CELA1: variants seen among roughly 807,000 people sequenced by gnomAD.
The protein encoded by CELA1 is chymotrypsin like elastase 1.
In CELA1, 28 loss-of-function variants were observed where a neutral mutation model predicts 34.8. The ratio of observed to expected loss-of-function variants is 0.80; its 90% CI spans 0.60 to 1.10. CELA1 has a LOEUF of 1.10. Among genes scored for constraint, CELA1 ranks in the 50% least tolerant of loss-of-function variants. The pLI, the probability that CELA1 is intolerant of heterozygous loss-of-function variation, is 0.00. For missense variants in CELA1, 288 were observed against 327.5 expected, an observed-to-expected ratio of 0.88 and a Z score of 0.93; for synonymous variants, 140 against 129.8, an observed-to-expected ratio of 1.08 and a Z score of -0.53.
chr12:51,339,082 T>C (rs1946517425), intron 6 of CELA1, among the ~76,000 whole-genome samples: 1 of 152,234 alleles, frequency 6.6e-6, no homozygotes, highest in Non-Finnish European at 1.5e-5. Flanking sequence ...TTGTGCACTT[T>C]CCCCTATCAA....
intron 1 of CELA1, 61 bp from the exon 2 acceptor site, chr12:51,345,938 TG>T: frequency 6.3e-6 from 7 of 1,115,608 alleles, no homozygotes; most frequent in Non-Finnish European, 7.8e-6. Context: ...GGGGTAGGGG[TG>T]GGGGGTGGCG....
chr12:51,340,388 CTTTTTTTTTT>C (rs11315182), intron 5 of CELA1, among the ~76,000 whole-genome samples: 1 of 121,556 alleles, frequency 8.2e-6, no homozygotes, highest in African/African-American at 3.0e-5. Flanking sequence ...TTCTTTCTTT[CTTTTTTTTTT>C]TTTTTTTTGA....
intron 6 of CELA1, among the ~76,000 whole-genome samples, chr12:51,336,057 C>A (rs962080450): frequency 6.6e-6 from 1 of 152,198 alleles, no homozygotes; most frequent in African/African-American, 2.4e-5. Context: ...TCAGCTCTTA[C>A]CTACTGTGGC....
intron 6 of CELA1, among the ~76,000 whole-genome samples, chr12:51,335,405 C>T (rs190376237): frequency 5.9e-5 from 9 of 152,078 alleles, no homozygotes; most frequent in East Asian, 3.9e-4. Flanking sequence ...TACAGGCACG[C>T]GCCACCATGC....
chr12:51,331,373 A>G (rs990658637), intron 6 of CELA1, among the ~76,000 whole-genome samples: 1 of 152,242 alleles, frequency 6.6e-6, no homozygotes, highest in African/African-American at 2.4e-5. Flanking sequence ...TGGGCGACAG[A>G]GCGAGACTCC....
Position 51,346,629 on chromosome 12 carries a change from G to A in CELA1, c.10C>T (p.Leu4Phe), listed in dbSNP as rs573952082. The change falls in exon 1 of 8, where the codon CTT (leucine) becomes TTT (phenylalanine). Residue 4 changes from leucine (L) to phenylalanine (F), a missense_variant. Coordinates refer to ENST00000293636, the MANE Select transcript of CELA1 (RefSeq NM_001971.6). ...CTGGACCATATCCACTTACCATAAA[G>A]GACCAGCATGTTGCCGATGGAGTAG... MLV[L>F]YGHSTQDLPE... 9.5e-6 allele frequency: 14 copies of A among 1,475,960 alleles called. No homozygotes were observed. The highest frequency in any genetic ancestry group is 1.3e-5 in the Non-Finnish European group (14 of 1,101,866). 91.4% of individuals were successfully genotyped at this position (1,475,960 alleles called of 1,614,324 possible).
Position 51,345,873 on chromosome 12 carries a change from G to A in CELA1, c.21C>T (p.His7=), listed in dbSNP as rs1309435492. 1.9e-6 allele frequency: 3 copies of A among 1,556,588 alleles called. No homozygotes were observed. The highest frequency in any genetic ancestry group is 2.6e-6 in the Non-Finnish European group (3 of 1,149,330). The change falls in exon 2 of 8, where the codon CAC becomes CAT. Residue 7 remains histidine (H), a synonymous_variant. Transcript: ENST00000293636. The part of the protein sequence containing the change: MLVLYG[H]STQDLPETNA... Reference sequence around the variant, plus strand: ...TGGTTTCCGGAAGGTCCTGGGTGCTGTGTCCTTTGTGGGGCAGAAGAAAAG... The same window carrying A: ...TGGTTTCCGGAAGGTCCTGGGTGCTATGTCCTTTGTGGGGCAGAAGAAAAG...
intron 6 of CELA1, among the ~76,000 whole-genome samples, chr12:51,333,522 T>C (rs546486578): frequency 1.3e-5 from 2 of 151,976 alleles, no homozygotes; most frequent in Admixed American, 1.3e-4. Flanking sequence ...GTATTCCAAG[T>C]AGCTGGGACC....
Position 51,342,588 on chromosome 12 carries a change from T to C in CELA1, c.313A>G (p.Asn105Asp), listed in dbSNP as rs1263601900. The C allele has an allele frequency of 1.9e-6, 3 of 1,614,056 alleles. No homozygotes were observed. Among genetic ancestry groups the C allele is most frequent in the Non-Finnish European group, 2.5e-6 (3 of 1,180,030 alleles). The change falls in exon 4 of 8, where the codon AAC becomes GAC. Residue 105 changes from asparagine (N) to aspartate (D), a missense_variant. Asn to Asp is a conservative substitution (Grantham distance 23). Transcript: ENST00000293636. ...IVVHPYWNSD[N>D]VAAGYDIALL... ...ACTTGCTCCTACCCGGCAGCCACGT[T>C]ATCGCTGTTCCAGTATGGATGCACC...
intron 6 of CELA1, among the ~76,000 whole-genome samples, chr12:51,332,010 C>G (rs951178391): frequency 6.6e-6 from 1 of 151,808 alleles, no homozygotes; most frequent in African/African-American, 2.4e-5. Flanking sequence ...AACCGAGACC[C>G]CCATCTCTAT....
intron 1 of CELA1, among the ~76,000 whole-genome samples, 199 bp downstream of exon 1, chr12:51,346,424 C>G (rs536626079): frequency 1.3e-5 from 2 of 152,206 alleles, no homozygotes; most frequent in South Asian, 4.2e-4. Flanking sequence ...GTGGCCCTGA[C>G]CTTTTCTATC....
At chr12:51,345,899 T>C in intron 1 of CELA1, 22 bp from the exon 2 acceptor site, 3 of 1,536,428 alleles carry the variant, frequency 2.0e-6, no homozygotes, top group Non-Finnish European at 2.6e-6. Context: ...AGAAGAAAAG[T>C]GAGTGATGAC....
intron 6 of CELA1, among the ~76,000 whole-genome samples, chr12:51,334,525 C>T (rs965968834): frequency 3.3e-5 from 5 of 152,156 alleles, no homozygotes; most frequent in East Asian, 1.9e-4. Flanking sequence ...GCTCCACCTC[C>T]CCGGTTCACA....
At chr12:51,343,645 C>G in intron 3 of CELA1, 108 bp downstream of exon 3, 1 of 679,824 alleles carries the variant, frequency 1.5e-6, no homozygotes, top group Non-Finnish European at 2.7e-6. Flanking sequence ...GGAGCCACTG[C>G]CCAGTCCCTG....
In CELA1 at chr12:51,329,767, A is replaced by G. The variant is rs1324359465; in HGVS notation, c.676T>C (p.Phe226Leu). ...GKYSVHGVTSFVSSRGCNVSR... is the reference protein window; with the variant it reads ...GKYSVHGVTSLVSSRGCNVSR... ...ACATTACAGCCCCGGCTGGACACAA[A>G]GCTGGTCACTCCATGGACAGAATAC... Residue 226 changes from phenylalanine to leucine, a missense_variant, in exon 7 of 8, where the codon TTT becomes CTT. Transcript: ENST00000293636. 1 of 1,614,030 alleles carries G rather than the reference A, an allele frequency of 6.2e-7. No homozygotes were observed. Among genetic ancestry groups the G allele is most frequent in the Admixed American group, 1.7e-5 (1 of 59,974 alleles).
intron 4 of CELA1, 103 bp downstream of exon 4, chr12:51,342,472 C>T: frequency 1.3e-6 from 2 of 1,522,926 alleles, no homozygotes; most frequent in Non-Finnish European, 1.8e-6. Flanking sequence ...GGTTTCAGGC[C>T]ATGCAATCCC....
chr12:51,335,268 T>C (rs1392188806), intron 6 of CELA1, among the ~76,000 whole-genome samples: 3 of 152,170 alleles, frequency 2.0e-5, no homozygotes, highest in African/African-American at 4.8e-5. Flanking sequence ...TTCTTTTCTC[T>C]TTTTTTGAGA....
chr12:51,329,672 G>T lies in CELA1; in HGVS notation c.759+12C>A. On this transcript the variant is annotated intron_variant, in intron 7 of 7. Transcript: ENST00000293636. ...GTGACCCCATTTCAACCCATCATTT[G>T]AGAGGACTCACATTATTTATCCAGG... 1 of 1,601,180 alleles carries T rather than the reference G, an allele frequency of 6.2e-7. No homozygotes were observed. The highest frequency in any genetic ancestry group is 1.1e-5 in the South Asian group (1 of 89,394).
At chr12:51,338,016 G>A (rs909119487) in intron 6 of CELA1, among the ~76,000 whole-genome samples, 1 of 151,452 alleles carries the variant, frequency 6.6e-6, no homozygotes. Context: ...ACGAGGTCAG[G>A]AGTCCGAGAC....
Sources: gnomAD v4.1 joint callset for allele counts (sites outside exome capture counted in the v4.1 genomes callset) on GRCh38, gnomAD v4.1.1 for gene constraint, MANE v1.5 for transcripts, NCBI Gene and HGNC (gene_info 2026-07-23, HGNC 2026-07-21) for gene names.